CHST8: variants seen among roughly 807,000 people sequenced by gnomAD.
CHST8 encodes the protein carbohydrate sulfotransferase 8, also known as GALNAC-4-ST1.
In CHST8, 10 loss-of-function variants were observed where a neutral mutation model predicts 15.0. The ratio of observed to expected loss-of-function variants is 0.67; its 90% CI spans 0.41 to 1.13. CHST8 has a LOEUF of 1.13. Ranked by LOEUF, CHST8 falls within the 50% of genes most tolerant of loss-of-function variation. The pLI, the probability that CHST8 is intolerant of heterozygous loss-of-function variation, is 0.00. For missense variants in CHST8, 634 were observed against 608.2 expected, an observed-to-expected ratio of 1.04 and a Z score of -0.45; for synonymous variants, 259 against 256.6, an observed-to-expected ratio of 1.01 and a Z score of -0.09.
At chr19:33,631,982 A>C (rs562042161) in intron 1 of CHST8, among the ~76,000 whole-genome samples, 3 of 152,262 alleles carry the variant, frequency 2.0e-5, no homozygotes, top group Admixed American at 2.0e-4. Flanking sequence ...TGCTATTATT[A>C]CTATTATTAT....
chr19:33,770,972 A>G (rs1974968890), intron 3 of CHST8, among the ~76,000 whole-genome samples: 1 of 152,166 alleles, frequency 6.6e-6, no homozygotes, highest in African/African-American at 2.4e-5. Context: ...CAGTGGCCAG[A>G]ACTGGGGCAT....
At chr19:33,703,139 G>A (rs1201155079) in intron 3 of CHST8, among the ~76,000 whole-genome samples, 1 of 152,230 alleles carries the variant, frequency 6.6e-6, no homozygotes, top group Admixed American at 6.5e-5. Flanking sequence ...AGTGGCACCA[G>A]GCTCCAAAGA....
intron 1 of CHST8, among the ~76,000 whole-genome samples, chr19:33,628,805 T>A (rs1972089304): frequency 6.6e-6 from 1 of 152,096 alleles, no homozygotes; most frequent in Non-Finnish European, 1.5e-5. Context: ...CTGGATTAGG[T>A]GTGGGAGGGG....
At chr19:33,733,778 A>G (rs1207935432) in intron 3 of CHST8, among the ~76,000 whole-genome samples, 2 of 152,226 alleles carry the variant, frequency 1.3e-5, no homozygotes, top group South Asian at 2.1e-4. Flanking sequence ...AACATGCAAC[A>G]TAAGAGCTGG....
chr19:33,695,079 T>C (rs73033156), intron 3 of CHST8, among the ~76,000 whole-genome samples: 10,515 of 152,040 alleles, frequency 0.069, 434 homozygotes, highest in Middle Eastern at 0.13. Context: ...CCTGAGCCGC[T>C]GAGACCACAG....
At position 33,701,019 on chromosome 19, in the gene CHST8, G is replaced by A. The variant is rs759116811; in HGVS notation, c.130+11628G>A. Among the ~76,000 whole-genome samples, 15 of 152,260 alleles carry A rather than the reference G, an allele frequency of 9.9e-5. No individual in the cohort carries two copies. The East Asian group carries it at 1.7e-3, about 18-fold the overall frequency. On this transcript the variant is annotated intron_variant, in intron 3 of 4. Transcript: ENST00000650847. ...ACCCCGAGCCTAGTGGGTTTGATGC[G>A]TCTGGGCGGTGCTAGCTTTGGGACC...
intron 3 of CHST8, among the ~76,000 whole-genome samples, chr19:33,710,948 A>G (rs1197590205): frequency 3.3e-5 from 5 of 150,468 alleles, no homozygotes; most frequent in African/African-American, 1.2e-4. Flanking sequence ...ATCATAGCTC[A>G]CTGCAGCCTC....
At chr19:33,750,633 G>A (rs1005884516) in intron 3 of CHST8, among the ~76,000 whole-genome samples, 2 of 152,072 alleles carry the variant, frequency 1.3e-5, no homozygotes, top group Non-Finnish European at 2.9e-5. Context: ...TCTCTTAATT[G>A]GTTGCCCATA....
intron 3 of CHST8, among the ~76,000 whole-genome samples, chr19:33,762,472 C>A (rs530959782): frequency 1.3e-5 from 2 of 152,210 alleles, no homozygotes; most frequent in African/African-American, 4.8e-5. Flanking sequence ...ATCACTAAGG[C>A]GAGGGAACAG....
chr19:33,725,861 G>A (rs145998111), intron 3 of CHST8, among the ~76,000 whole-genome samples: 2,841 of 152,334 alleles, frequency 0.019, 34 homozygotes, highest in Non-Finnish European at 0.027. Context: ...GCCGGAGCCT[G>A]GCCACAGGGT....
At chr19:33,726,271 T>C (rs1973896667) in intron 3 of CHST8, among the ~76,000 whole-genome samples, 1 of 152,010 alleles carries the variant, frequency 6.6e-6, no homozygotes, top group Non-Finnish European at 1.5e-5. Context: ...TCTTTAAAGG[T>C]GAGTATCAGC....
intron 1 of CHST8, among the ~76,000 whole-genome samples, chr19:33,636,136 C>G (rs1405795925): frequency 1.3e-5 from 2 of 149,466 alleles, no homozygotes; most frequent in Non-Finnish European, 3.0e-5. Context: ...CAAAATTGAT[C>G]TGAAGACTTG....
intron 1 of CHST8, among the ~76,000 whole-genome samples, chr19:33,644,817 G>A (rs556151205): frequency 3.3e-5 from 5 of 152,308 alleles, no homozygotes; most frequent in Admixed American, 1.3e-4. Flanking sequence ...AGGCTAAGAG[G>A]GATTGGAAGT....
chr19:33,670,116 C>T (rs775440028), intron 2 of CHST8, among the ~76,000 whole-genome samples: 10 of 152,066 alleles, frequency 6.6e-5, no homozygotes, highest in South Asian at 2.1e-4. Flanking sequence ...TCTAGTATTT[C>T]GCCAAGTTTT....
chr19:33,659,415 T>C (rs1207188808), intron 1 of CHST8, among the ~76,000 whole-genome samples: 2 of 151,888 alleles, frequency 1.3e-5, no homozygotes, highest in African/African-American at 4.8e-5. Context: ...TATAAGCCCA[T>C]TTTGCTAAAT....
At chr19:33,639,512 G>A (rs1042339234) in intron 1 of CHST8, among the ~76,000 whole-genome samples, 1 of 152,144 alleles carries the variant, frequency 6.6e-6, no homozygotes, top group African/African-American at 2.4e-5. Flanking sequence ...GCCAGGTTGC[G>A]GCAGAAAAAG....
chr19:33,679,158 C>G (rs1158285326), intron 2 of CHST8, among the ~76,000 whole-genome samples: 2 of 152,264 alleles, frequency 1.3e-5, no homozygotes, highest in African/African-American at 2.4e-5. Context: ...GGTTTACTCA[C>G]AGACTCCTCT....
Position 33,698,115 on chromosome 19 carries a change from A to G in CHST8, c.130+8724A>G, listed in dbSNP as rs546653280. ...AACATGGCAAAACCCCGCCTCTACT[A>G]AAAATACAAAAATAAGCCGGGCGTG... On this transcript the variant is annotated intron_variant, in intron 3 of 4. Coordinates refer to ENST00000650847, the MANE Select transcript of CHST8 (RefSeq NM_001127895.2). Among the ~76,000 whole-genome samples, 3 of 152,350 alleles carry G rather than the reference A, an allele frequency of 2.0e-5. No individual in the cohort carries two copies. The East Asian group carries it at 5.8e-4, about 29-fold the overall frequency.
intron 3 of CHST8, among the ~76,000 whole-genome samples, chr19:33,691,725 G>A (rs981544424): frequency 6.6e-6 from 1 of 152,230 alleles, no homozygotes; most frequent in Non-Finnish European, 1.5e-5. Flanking sequence ...TGGCTGGGTG[G>A]CCCCAAGGGC....
Sources: allele counts gnomAD v4.1 joint callset (sites outside exome capture counted in the v4.1 genomes callset), GRCh38; gene constraint gnomAD v4.1.1; transcripts MANE v1.5; gene names NCBI Gene and HGNC (gene_info 2026-07-23, HGNC 2026-07-21).